MINDY2: variants seen among roughly 807,000 people sequenced by gnomAD.
The protein encoded by MINDY2 is MINDY lysine 48 deubiquitinase 2, also known as ubiquitin carboxyl-terminal hydrolase MINDY-2.
MINDY2 carries 52 observed loss-of-function variants against 68.2 expected under a neutral mutation model. The observed-to-expected ratio is 0.76, with a 90% CI of 0.61 to 0.96. MINDY2 has a LOEUF of 0.96. Among genes scored for constraint, MINDY2 ranks in the 40% least tolerant of loss-of-function variants. MINDY2 has a pLI of 0.00. For missense variants in MINDY2, 881 were observed against 773.4 expected (o/e 1.14, Z -1.65); for synonymous variants, 372 against 303.0 (o/e 1.23, Z -2.36).
At chr15:58,776,034 A>G (rs1403281982) in intron 1 of MINDY2, among the ~76,000 whole-genome samples, 1 of 151,826 alleles carries the variant, frequency 6.6e-6, no homozygotes, top group Non-Finnish European at 1.5e-5. Flanking sequence ...CTAATTTTGT[A>G]TTTTTAGTAC....
chr15:58,802,950 C>T (rs1014779891), intron 3 of MINDY2, among the ~76,000 whole-genome samples: 6 of 152,274 alleles, frequency 3.9e-5, no homozygotes, highest in Middle Eastern at 3.4e-3. Flanking sequence ...TCTTCCTTTA[C>T]TTGGTAATAG....
chr15:58,835,994 C>T (rs2031974171), intron 6 of MINDY2, among the ~76,000 whole-genome samples: 1 of 152,094 alleles, frequency 6.6e-6, no homozygotes, highest in South Asian at 2.1e-4. Flanking sequence ...GCTGCAAGCT[C>T]CGCCTCCCGG....
chr15:58,771,833 C>T lies in MINDY2; in HGVS notation c.438C>T (p.Ala146=), dbSNP rs1413550043. ...CCTGCCAAGCAGAACTGACCGCCGC[C>T]GGCTCCGAAGAGCCCAGCAGCGCCG... ...AGTCQAELTA[A]GSEEPSSAGG... is the part of the protein sequence containing the mutation. The change falls in exon 1 of 9, where the codon GCC becomes GCT. Residue 146 remains alanine (A), a synonymous_variant. Coordinates refer to ENST00000559228, the MANE Select transcript of MINDY2 (RefSeq NM_001040450.3). 1 of 1,608,370 alleles carries T rather than the reference C, an allele frequency of 6.2e-7. No homozygotes were observed. The highest frequency in any genetic ancestry group is 1.7e-5 in the Admixed American group (1 of 59,460).
At chr15:58,810,452 T>C in intron 4 of MINDY2, 64 bp downstream of exon 4, 3 of 1,371,932 alleles carry the variant, frequency 2.2e-6, no homozygotes, top group Admixed American at 2.8e-5. Context: ...TTTGGCAAAT[T>C]AATCTCAATT....
intron 4 of MINDY2, among the ~76,000 whole-genome samples, chr15:58,812,163 C>T (rs567836380): frequency 1.6e-4 from 25 of 152,210 alleles, no homozygotes; most frequent in South Asian, 4.1e-4. Flanking sequence ...ACAGTCTGGG[C>T]GCAGTGGCTC....
At chr15:58,851,432 TTTG>T (rs1263842202) in intron 7 of MINDY2, among the ~76,000 whole-genome samples, 1 of 152,130 alleles carries the variant, frequency 6.6e-6, no homozygotes, top group Non-Finnish European at 1.5e-5. Flanking sequence ...CTTTTTCTTT[TTTG>T]TTTTTATTTT....
chr15:58,838,385 G>A (rs1595769499), intron 6 of MINDY2, among the ~76,000 whole-genome samples: 2 of 151,624 alleles, frequency 1.3e-5, no homozygotes, highest in Non-Finnish European at 1.5e-5. Context: ...GTGACAGAGC[G>A]AGACTCCATC....
At position 58,847,366 on chromosome 15, in the gene MINDY2, C is replaced by T. The variant is rs1423479177; in HGVS notation, c.1438C>T (p.His480Tyr). ...AGAGAAAGTTGTTTGGGAAAGCCTA[C>T]ACAACGTAGATGGTGATGGAAATTT... ...TEEKVVWESL[H>Y]NVDGDGNFCD... Residue 480 changes from histidine (H) to tyrosine (Y), a missense_variant, in exon 7 of 9, where the codon CAC becomes TAC. Physicochemically the swap from His to Tyr is moderately conservative, Grantham distance 83. Coordinates refer to ENST00000559228, the MANE Select transcript of MINDY2 (RefSeq NM_001040450.3). 1.2e-6 allele frequency: 2 copies of T among 1,607,680 alleles called. No homozygotes were observed. Among genetic ancestry groups the T allele is most frequent in the Admixed American group, 1.7e-5 (1 of 59,948 alleles).
chr15:58,843,832 CAAAA>C (rs34999651), intron 6 of MINDY2, among the ~76,000 whole-genome samples: 1 of 84,836 alleles, frequency 1.2e-5, no homozygotes. Context: ...GACTCTGTCT[CAAAA>C]AAAAAAAAAA....
rs759171383 is a variant in MINDY2, at chr15:58,771,780, G to T, written c.385G>T (p.Ala129Ser). The change falls in exon 1 of 9, where the codon GCG (alanine) becomes TCG (serine). Residue 129 changes from alanine to serine, a missense_variant. Coordinates refer to ENST00000559228, the MANE Select transcript of MINDY2 (RefSeq NM_001040450.3). ...TCATGAGTTGGGTACCGCCGGAGAC[G>T]CGGGAGCCCGCCCGGATCTCGCCGG... ...VGHELGTAGDAGARPDLAGTC... is the reference protein window; with the variant it reads ...VGHELGTAGDSGARPDLAGTC... 7 of 1,610,354 alleles carry T rather than the reference G, an allele frequency of 4.3e-6. No homozygotes were observed. In the Admixed American group the frequency reaches 1.2e-4, roughly 27 times the overall value.
rs74988264 is a variant in MINDY2 at position 58,852,308 on chromosome 15, T to A, written c.1737+343T>A. 9.4e-4 allele frequency among the ~76,000 whole-genome samples: 39 copies of A among 41,698 alleles called. 1 individual carries two copies. Among genetic ancestry groups the A allele is most frequent in the African/African-American group, 1.6e-3 (26 of 16,256 alleles). The allele number at this position is 41,698 out of a possible 152,430, so 27.4% of individuals were successfully genotyped here. On this transcript the variant is annotated intron_variant, in intron 8 of 8. Transcript: ENST00000559228. ...TTCTCAAAAAAAAAAAAAAAAAAGA[T>A]GATCACTTTAGCAGTAAATTTCGCT...
intron 1 of MINDY2, among the ~76,000 whole-genome samples, chr15:58,774,328 CA>C (rs1216294089): frequency 6.6e-6 from 1 of 151,734 alleles, no homozygotes; most frequent in Non-Finnish European, 1.5e-5. Context: ...ACTAAACATA[CA>C]AAAAATTAGA....
chr15:58,848,096 C>T (rs1455794958), intron 7 of MINDY2, among the ~76,000 whole-genome samples: 3 of 144,974 alleles, frequency 2.1e-5, no homozygotes, highest in Admixed American at 2.1e-4. Context: ...TTTTTTTTGA[C>T]AGATGAGATT....
At chr15:58,802,407 ATTTTAAAGTTTAAATATATACAT>A (rs1902727753) in intron 3 of MINDY2, 30 bp downstream of exon 3, 1 of 1,415,966 alleles carries the variant, frequency 7.1e-7, no homozygotes, top group East Asian at 2.4e-5. Context: ...AAAGTATATA[ATTTTAAAGTTTAAATATATACAT>A]TGGTTTCTAT....
At chr15:58,787,566 C>G (rs995359460) in intron 1 of MINDY2, among the ~76,000 whole-genome samples, 4 of 151,846 alleles carry the variant, frequency 2.6e-5, no homozygotes, top group Admixed American at 1.3e-4. Context: ...AGAACCTCCT[C>G]TCTACTAAAA....
rs1313693893 is a variant in MINDY2, at chr15:58,812,823, G to A, written c.1122+2435G>A. ...CAGTGAGCTGTGATCACACTACTGC[G>A]TTCCAGCCTGAGAGAAAGAGCGAGA... On this transcript the variant is annotated intron_variant, in intron 4 of 8. Transcript: ENST00000559228. Among the ~76,000 whole-genome samples the A allele has an allele frequency of 5.3e-5, 8 of 152,136 alleles. No homozygotes were observed. The East Asian group carries it at 7.7e-4, about 15-fold the overall frequency.
chr15:58,787,110 G>A (rs1267419713), intron 1 of MINDY2, among the ~76,000 whole-genome samples: 4 of 149,428 alleles, frequency 2.7e-5, no homozygotes, highest in African/African-American at 7.4e-5. Context: ...GATTACTGGC[G>A]TGAGCCCATA....
chr15:58,835,252 T>C (rs1444143961), intron 6 of MINDY2, among the ~76,000 whole-genome samples: 3 of 152,320 alleles, frequency 2.0e-5, no homozygotes, highest in East Asian at 1.9e-4. Context: ...AGGATACATA[T>C]CACAAGCTGT....
rs759046395 is a variant in MINDY2 at position 58,771,741 on chromosome 15, G to A, written c.346G>A (p.Val116Met). ...YKVTASPETA[V>M]AGVGHELGTA... Reference sequence around the variant, plus strand: ...GGTGACCGCCTCCCCGGAGACAGCCGTGGCCGGAGTGGGTCATGAGTTGGG... The same window carrying A: ...GGTGACCGCCTCCCCGGAGACAGCCATGGCCGGAGTGGGTCATGAGTTGGG... The change falls in exon 1 of 9, where the codon GTG becomes ATG. Residue 116 changes from valine (V) to methionine (M), a missense_variant. Val to Met is a conservative substitution (Grantham distance 21). Coordinates refer to ENST00000559228, the MANE Select transcript of MINDY2 (RefSeq NM_001040450.3). 1.9e-6 allele frequency: 3 copies of A among 1,611,612 alleles called. No homozygotes were observed. The highest frequency in any genetic ancestry group is 2.5e-6 in the Non-Finnish European group (3 of 1,179,534).
Sources: gnomAD v4.1 joint callset for allele counts (sites outside exome capture counted in the v4.1 genomes callset) on GRCh38, gnomAD v4.1.1 for gene constraint, MANE v1.5 for transcripts, NCBI Gene and HGNC (gene_info 2026-07-23, HGNC 2026-07-21) for gene names.